Variants in GRIN2A observed in about 807,000 individuals in gnomAD.
The protein encoded by GRIN2A is glutamate ionotropic receptor NMDA type subunit 2A.
In GRIN2A, 22 loss-of-function variants were observed where a neutral mutation model predicts 113.4. The observed-to-expected ratio is 0.19, with a 90% CI of 0.14 to 0.28. The LOEUF (loss-of-function observed/expected upper bound fraction) is 0.28. Among genes scored for constraint, GRIN2A ranks in the 10% least tolerant of loss-of-function variants. GRIN2A has a pLI of 1.00. For missense variants in GRIN2A, 1,502 were observed against 1,887.0 expected (o/e 0.80, Z 3.78); for synonymous variants, 827 against 738.4 (o/e 1.12, Z -1.94).
intron 2 of GRIN2A, among the ~76,000 whole-genome samples, chr16:10,028,607 A>G (rs1355955987): frequency 6.6e-6 from 1 of 152,204 alleles, no homozygotes; most frequent in East Asian, 1.9e-4. Context: ...TGACTTCTTA[A>G]ATCCCCACAT....
chr16:10,019,862 G>C (rs2046683157), intron 2 of GRIN2A, among the ~76,000 whole-genome samples: 1 of 152,186 alleles, frequency 6.6e-6, no homozygotes, highest in Admixed American at 6.5e-5. Context: ...TGAGGATGGT[G>C]ACTACAGTTA....
intron 3 of GRIN2A, among the ~76,000 whole-genome samples, chr16:9,910,516 C>T (rs575843709): frequency 6.7e-6 from 1 of 148,834 alleles, no homozygotes; most frequent in Admixed American, 6.7e-5. Flanking sequence ...ATATTTGAGT[C>T]TCATATGAAG....
chr16:10,110,482 G>C (rs888376888), intron 2 of GRIN2A, among the ~76,000 whole-genome samples: 13 of 152,236 alleles, frequency 8.5e-5, no homozygotes, highest in African/African-American at 3.1e-4. Flanking sequence ...AGTGGCAAGG[G>C]GGCAAAGTGG....
At chr16:10,061,693 G>C (rs34441169) in intron 2 of GRIN2A, among the ~76,000 whole-genome samples, 33 of 152,292 alleles carry the variant, frequency 2.2e-4, no homozygotes, top group African/African-American at 7.2e-4. Context: ...TAGAAGGTTA[G>C]TAGTGGCAAA....
chr16:10,102,632 C>T (rs1034768801), intron 2 of GRIN2A, among the ~76,000 whole-genome samples: 3 of 151,996 alleles, frequency 2.0e-5, no homozygotes, highest in Non-Finnish European at 4.4e-5. Flanking sequence ...CTGCAACCTT[C>T]GCCTCCTAGG....
chr16:9,977,078 C>G (rs2045788572), intron 2 of GRIN2A, among the ~76,000 whole-genome samples: 1 of 152,184 alleles, frequency 6.6e-6, no homozygotes, highest in Non-Finnish European at 1.5e-5. Flanking sequence ...TCTCACCAGC[C>G]AGTTTATTAC....
At chr16:9,972,472 T>C (rs1476946790) in intron 2 of GRIN2A, among the ~76,000 whole-genome samples, 1 of 151,976 alleles carries the variant, frequency 6.6e-6, no homozygotes, top group African/African-American at 2.4e-5. Flanking sequence ...CCCAATATGA[T>C]CCAGGTGTTA....
At chr16:10,126,075 G>C (rs2048928791) in intron 2 of GRIN2A, among the ~76,000 whole-genome samples, 1 of 152,086 alleles carries the variant, frequency 6.6e-6, no homozygotes, top group Admixed American at 6.6e-5. Context: ...TTTGCTTACT[G>C]AATTTTCATT....
At chr16:9,989,441 A>G (rs1363586657) in intron 2 of GRIN2A, among the ~76,000 whole-genome samples, 1 of 152,120 alleles carries the variant, frequency 6.6e-6, no homozygotes, top group African/African-American at 2.4e-5. Context: ...AAAAAATCCT[A>G]GAAGAAACCT....
intron 4 of GRIN2A, among the ~76,000 whole-genome samples, chr16:9,866,749 A>G (rs2043166479): frequency 6.6e-6 from 1 of 152,206 alleles, no homozygotes; most frequent in South Asian, 2.1e-4. Flanking sequence ...ACTGAAGGCC[A>G]GTTTTTTTGA....
intron 3 of GRIN2A, among the ~76,000 whole-genome samples, chr16:9,928,979 G>A (rs976752303): frequency 2.0e-5 from 3 of 152,178 alleles, no homozygotes; most frequent in Non-Finnish European, 2.9e-5. Context: ...CTGTGCAGAC[G>A]CCCACCAGGC....
rs768282034 is a variant in GRIN2A at position 9,768,840 on chromosome 16, G to A, written c.2595+11C>T. ...TTGCAGTGCAAGAAAGTAGCCACCC[G>A]GTGTACTGACCCTGCTGATGGAGAA... On this transcript the variant is annotated intron_variant, in intron 12 of 12. Transcript: ENST00000330684. 28 of 1,589,284 alleles carry A rather than the reference G, an allele frequency of 1.8e-5. No homozygotes were observed. Among genetic ancestry groups the A allele is most frequent in the Non-Finnish European group, 2.3e-5 (27 of 1,157,466 alleles).
At chr16:10,055,454 G>A in intron 2 of GRIN2A, among the ~76,000 whole-genome samples, 1 of 152,136 alleles carries the variant, frequency 6.6e-6, no homozygotes, top group Non-Finnish European at 1.5e-5. Context: ...AAGAGAAAAA[G>A]AAAAGATTTA....
At chr16:9,905,296 C>T (rs1371820429) in intron 3 of GRIN2A, among the ~76,000 whole-genome samples, 1 of 152,146 alleles carries the variant, frequency 6.6e-6, no homozygotes, top group Admixed American at 6.5e-5. Context: ...GGGGACCTGA[C>T]CCATCAGAAT....
At chr16:9,784,830 A>G (rs1567294752) in intron 11 of GRIN2A, among the ~76,000 whole-genome samples, 1 of 151,896 alleles carries the variant, frequency 6.6e-6, no homozygotes, top group East Asian at 1.9e-4. Flanking sequence ...GTCAAAAGAT[A>G]CATGAAAAAA....
At chr16:10,073,919 A>AC (rs1192767010) in intron 2 of GRIN2A, among the ~76,000 whole-genome samples, 12 of 72,040 alleles carry the variant, frequency 1.7e-4, no homozygotes, top group Non-Finnish European at 3.1e-4. Context: ...GACCCCCGTC[A>AC]CAAAAAAAAA....
At chr16:10,086,860 C>G (rs1168801423) in intron 2 of GRIN2A, among the ~76,000 whole-genome samples, 7 of 152,190 alleles carry the variant, frequency 4.6e-5, no homozygotes, top group Non-Finnish European at 8.8e-5. Context: ...GGGCAGGAAT[C>G]CTGCCAAACA....
Position 10,180,634 on chromosome 16 carries a change from G to T in GRIN2A, c.-18-205C>A. 5 of 842,768 alleles carry T rather than the reference G, an allele frequency of 5.9e-6. No individual in the cohort carries two copies. The highest frequency in any genetic ancestry group is 9.0e-6 in the Non-Finnish European group (5 of 557,946). 52.2% of individuals were successfully genotyped at this position (842,768 alleles called of 1,614,324 possible). ...AACTCTATCCACAACTCCAATTCGA[G>T]CTAATTCTCCATCCCCCAGCCCCTT... On this transcript the variant is annotated intron_variant, in intron 1 of 12. Coordinates refer to ENST00000330684, the MANE Select transcript of GRIN2A (RefSeq NM_001134407.3). This position sits in a 1 kb window ranked among gnomAD's most constrained non-coding sequence, Gnocchi z 7.0.
Position 9,768,926 on chromosome 16 carries a change from G to T in GRIN2A, c.2520C>A (p.Leu840=), listed in dbSNP as rs780709714. 1 of 1,614,248 alleles carries T rather than the reference G, an allele frequency of 6.2e-7. No individual in the cohort carries two copies. Among genetic ancestry groups the T allele is most frequent in the Non-Finnish European group, 8.5e-7 (1 of 1,180,024 alleles). The change falls in exon 12 of 13, where the codon CTC becomes CTA. Residue 840 remains leucine (L), a synonymous_variant. Coordinates refer to ENST00000330684, the MANE Select transcript of GRIN2A (RefSeq NM_001134407.3). The part of the protein sequence containing the change: ...LSLITFIWEH[L]FYWKLRFCFT... Reference sequence around the variant, plus strand: ...AACAGAAGCGCAGCTTCCAGTAGAAGAGGTGCTCCCAGATGAAGGTGATGA... The same window carrying T: ...AACAGAAGCGCAGCTTCCAGTAGAATAGGTGCTCCCAGATGAAGGTGATGA...
Sources: allele counts gnomAD v4.1 joint callset (sites outside exome capture counted in the v4.1 genomes callset), GRCh38; gene constraint gnomAD v4.1.1; non-coding constraint Gnocchi (gnomAD v3.1); transcripts MANE v1.5; gene names NCBI Gene and HGNC (gene_info 2026-07-23, HGNC 2026-07-21).